Variants in ZNF804B observed in about 807,000 individuals in gnomAD.
ZNF804B encodes zinc finger 804B.
Under a neutral mutation model 101.4 loss-of-function variants are expected in ZNF804B, and 80 were observed. The ratio of observed to expected loss-of-function variants is 0.79; its 90% confidence interval spans 0.66 to 0.95. The LOEUF (loss-of-function observed/expected upper bound fraction) is 0.95. Ranked by LOEUF, ZNF804B falls within the 40% of genes least tolerant of loss-of-function variation. The pLI is 0.00. For missense variants in ZNF804B, 1,673 were observed against 1,561.9 expected (o/e 1.07, Z -1.20); for synonymous variants, 622 against 558.8 (o/e 1.11, Z -1.59).
chr7:89,000,602 A>C (rs1026624061), intron 1 of ZNF804B, among the ~76,000 whole-genome samples: 1 of 151,834 alleles, frequency 6.6e-6, no homozygotes, highest in African/African-American at 2.4e-5. Flanking sequence ...TTATCTTCCA[A>C]CTGAAAGTTT....
intron 2 of ZNF804B, among the ~76,000 whole-genome samples, chr7:89,290,348 G>A (rs1790267684): frequency 1.3e-5 from 2 of 152,086 alleles, no homozygotes; most frequent in African/African-American, 4.8e-5. Flanking sequence ...AAAGCAAAGG[G>A]AACACTGTCT....
chr7:89,202,682 A>G (rs1788661081), intron 1 of ZNF804B, among the ~76,000 whole-genome samples: 2 of 152,128 alleles, frequency 1.3e-5, no homozygotes, highest in African/African-American at 4.8e-5. Flanking sequence ...AGATGAGGAA[A>G]TAGACCCTCC....
chr7:89,016,812 C>T (rs117108903), intron 1 of ZNF804B, among the ~76,000 whole-genome samples: 3,886 of 152,206 alleles, frequency 0.026, 59 homozygotes, highest in Non-Finnish European at 0.04. Context: ...ATTGACTTGG[C>T]GATGCGGGCT....
chr7:89,277,443 G>C lies in ZNF804B; in HGVS notation c.250-49901G>C, dbSNP rs565453264. ...GCTGCACCCACTAACTTGTCATCTA[G>C]CATTAGGTATATCTCCCAATGCTAT... is the stretch of plus-strand genomic sequence containing the variant. On this transcript the variant is annotated intron_variant, in intron 2 of 3. Coordinates refer to ENST00000333190, the MANE Select transcript of ZNF804B (RefSeq NM_181646.5). Among the ~76,000 whole-genome samples, 367 of 117,004 alleles carry C rather than the reference G, an allele frequency of 3.1e-3. 4 individuals carry two copies. Among genetic ancestry groups the C allele is most frequent in the African/African-American group, 0.012 (351 of 29,630 alleles). The allele number at this position is 117,004 out of a possible 152,430, so 76.8% of individuals were successfully genotyped here.
intron 1 of ZNF804B, among the ~76,000 whole-genome samples, chr7:88,992,134 A>G (rs1343608349): frequency 6.6e-6 from 1 of 152,186 alleles, no homozygotes. Context: ...TTAGCCATTG[A>G]CGGCTTAAAT....
At chr7:89,259,160 A>G (rs1429164039) in intron 2 of ZNF804B, among the ~76,000 whole-genome samples, 9 of 152,160 alleles carry the variant, frequency 5.9e-5, no homozygotes. Flanking sequence ...TGCTTATTTG[A>G]TGTCTTCTTC....
In ZNF804B at chr7:88,760,023, A is replaced by C. The variant is rs550598730; in HGVS notation, c.47A>C (p.His16Pro). Residue 16 changes from histidine to proline, a missense_variant, in exon 1 of 4, where the codon CAC becomes CCC. By Grantham distance (77) the His-to-Pro change is moderately conservative. Transcript: ENST00000333190. ...VISSRHLSNG[H>P]YRGIKGVFRG... ...AGTTCGAGACATCTCAGCAATGGGCACTACCGGGGCATTAAAGGAGTCTTC... is the reference window on the plus strand; with the variant it reads ...AGTTCGAGACATCTCAGCAATGGGCCCTACCGGGGCATTAAAGGAGTCTTC... The C allele has an allele frequency of 6.2e-7, 1 of 1,614,232 alleles. No individual in the cohort carries two copies. The highest frequency in any genetic ancestry group is 2.2e-5 in the East Asian group (1 of 44,866).
intron 2 of ZNF804B, among the ~76,000 whole-genome samples, chr7:89,297,000 A>G (rs1421934123): frequency 6.6e-6 from 1 of 152,042 alleles, no homozygotes; most frequent in African/African-American, 2.4e-5. Flanking sequence ...GCACTAACCA[A>G]TAATTATGTG....
At chr7:88,864,312 A>G (rs968531085) in intron 1 of ZNF804B, among the ~76,000 whole-genome samples, 1 of 152,216 alleles carries the variant, frequency 6.6e-6, no homozygotes, top group Non-Finnish European at 1.5e-5. Flanking sequence ...ATACTGCCTT[A>G]TCTCTGCTAT....
intron 1 of ZNF804B, among the ~76,000 whole-genome samples, chr7:89,200,590 C>A (rs947494739): frequency 1.3e-5 from 2 of 151,914 alleles, no homozygotes; most frequent in Non-Finnish European, 2.9e-5. Flanking sequence ...ATATTGTTGA[C>A]CTTCCTATAC....
chr7:89,089,982 T>G (rs1789858715), intron 1 of ZNF804B, among the ~76,000 whole-genome samples: 1 of 152,118 alleles, frequency 6.6e-6, no homozygotes. Context: ...TTTTCTCAAA[T>G]TTTAAAAGTA....
In ZNF804B at chr7:88,982,641, C is replaced by A. The variant is rs767563115; in HGVS notation, c.108+222557C>A. Among the ~76,000 whole-genome samples the A allele has an allele frequency of 1.7e-4, 26 of 152,044 alleles. 1 individual carries two copies. The highest frequency in any genetic ancestry group is 1.6e-3 in the Admixed American group (24 of 15,250). On this transcript the variant is annotated intron_variant, in intron 1 of 3. Transcript: ENST00000333190. ...ATTAGATTAGAGCCCACCCATGAGA[C>A]CTTATTTTACCTTAGTTACACCCCT...
At chr7:88,779,899 A>G (rs1180920614) in intron 1 of ZNF804B, among the ~76,000 whole-genome samples, 1 of 152,154 alleles carries the variant, frequency 6.6e-6, no homozygotes, top group Non-Finnish European at 1.5e-5. Context: ...TGATAGCCCT[A>G]AGGTGCTACA....
intron 2 of ZNF804B, among the ~76,000 whole-genome samples, chr7:89,284,424 A>G (rs1159618611): frequency 2.0e-5 from 3 of 152,228 alleles, no homozygotes; most frequent in African/African-American, 7.2e-5. Flanking sequence ...AGGAAAAATC[A>G]TGATATTATA....
chr7:89,067,026 A>G (rs1202327792), intron 1 of ZNF804B, among the ~76,000 whole-genome samples: 1 of 152,050 alleles, frequency 6.6e-6, no homozygotes, highest in Admixed American at 6.6e-5. Context: ...TTTCTACACC[A>G]AATTGTATAA....
At chr7:88,851,439 T>G (rs1241771251) in intron 1 of ZNF804B, among the ~76,000 whole-genome samples, 2 of 152,052 alleles carry the variant, frequency 1.3e-5, no homozygotes, top group Admixed American at 1.3e-4. Flanking sequence ...GCAGATTTCT[T>G]TGGAAACAAT....
At chr7:89,317,291 C>G (rs1466652898) in intron 2 of ZNF804B, among the ~76,000 whole-genome samples, 1 of 152,188 alleles carries the variant, frequency 6.6e-6, no homozygotes, top group Non-Finnish European at 1.5e-5. Context: ...CAGAAGTCAT[C>G]TGTTACTAAG....
At chr7:89,058,923 C>T (rs192268776) in intron 1 of ZNF804B, among the ~76,000 whole-genome samples, 9 of 150,158 alleles carry the variant, frequency 6.0e-5, no homozygotes, top group South Asian at 2.1e-4. Flanking sequence ...CTAACTCCTG[C>T]GTTCAAGTGA....
intron 2 of ZNF804B, among the ~76,000 whole-genome samples, chr7:89,317,359 A>G (rs1584121762): frequency 6.6e-6 from 1 of 152,338 alleles, no homozygotes. Context: ...GAAGAAGTGT[A>G]TGCTTCTGGG....
Sources: gnomAD v4.1 joint callset for allele counts (sites outside exome capture counted in the v4.1 genomes callset) on GRCh38, gnomAD v4.1.1 for gene constraint, MANE v1.5 for transcripts, NCBI Gene and HGNC (gene_info 2026-07-23, HGNC 2026-07-21) for gene names.